Variants in MAN1C1 observed in about 807,000 individuals in gnomAD.
The protein encoded by MAN1C1 is mannosidase alpha class 1C member 1.
Under a neutral mutation model 71.5 loss-of-function variants are expected in MAN1C1, and 49 were observed. That is an observed-to-expected ratio of 0.69 (90% CI 0.54 to 0.87). MAN1C1 has a LOEUF of 0.87. MAN1C1 is among the 40% of genes least tolerant of loss of function. The pLI is 0.00. For missense variants in MAN1C1, 743 were observed against 835.0 expected, an observed-to-expected ratio of 0.89 and a Z score of 1.36; for synonymous variants, 352 against 343.7, an observed-to-expected ratio of 1.02 and a Z score of -0.27.
chr1:25,677,840 G>GACCTCCTT (rs1241022244), intron 1 of MAN1C1, among the ~76,000 whole-genome samples: 2 of 130,542 alleles, frequency 1.5e-5, no homozygotes, highest in Non-Finnish European at 3.2e-5. Context: ...CTGCTGTAAA[G>GACCTCCTT]ACCTCCTTTT....
At chr1:25,738,290 G>C (rs1329564847) in intron 2 of MAN1C1, among the ~76,000 whole-genome samples, 7 of 152,138 alleles carry the variant, frequency 4.6e-5, no homozygotes, top group Non-Finnish European at 8.8e-5. Context: ...CGACACACGA[G>C]AAACAGACCA....
chr1:25,745,020 G>A (rs944117718), intron 2 of MAN1C1, among the ~76,000 whole-genome samples: 3 of 152,154 alleles, frequency 2.0e-5, no homozygotes, highest in African/African-American at 7.2e-5. Flanking sequence ...GATGGGAGGC[G>A]CCACCTCTTT....
chr1:25,718,009 C>T (rs2046705958), intron 2 of MAN1C1, among the ~76,000 whole-genome samples: 1 of 151,978 alleles, frequency 6.6e-6, no homozygotes, highest in African/African-American at 2.4e-5. Flanking sequence ...TACACACACA[C>T]ACACACACAC....
chr1:25,618,331 CA>C lies in MAN1C1; in HGVS notation c.536del (p.Lys179ArgfsTer3). 1 of 1,599,860 alleles carries C rather than the reference CA, an allele frequency of 6.3e-7. No homozygotes were observed. Among genetic ancestry groups the C allele is most frequent in the Non-Finnish European group, 8.5e-7 (1 of 1,175,332 alleles). On this transcript the variant is annotated frameshift_variant, in exon 1 of 12. Transcript: ENST00000374332. LOFTEE classifies it high-confidence loss of function. ...SQVRAQREKIKEMMQFAWQSY... is the reference protein window; with the variant it reads ...SQVRAQREKIXEMMQFAWQSY... ...AAGTGCGAGCCCAGCGGGAGAAAAT[CA>C]AGGAGGTATGGACTCAGCCCCCAAA...
chr1:25,727,448 C>T (rs945681289), intron 2 of MAN1C1, among the ~76,000 whole-genome samples: 1 of 152,218 alleles, frequency 6.6e-6, no homozygotes. Flanking sequence ...TTGGTGTCTG[C>T]ACCCACCCTG....
intron 1 of MAN1C1, among the ~76,000 whole-genome samples, chr1:25,655,810 A>C (rs1339691733): frequency 6.6e-6 from 1 of 152,200 alleles, no homozygotes; most frequent in Non-Finnish European, 1.5e-5. Flanking sequence ...GAGAGTGAAT[A>C]GGAGAAATTC....
At chr1:25,659,486 G>C (rs1208421508) in intron 1 of MAN1C1, among the ~76,000 whole-genome samples, 2 of 152,220 alleles carry the variant, frequency 1.3e-5, no homozygotes, top group Non-Finnish European at 2.9e-5. Flanking sequence ...GCCAGAACAT[G>C]ACTTTTAGAA....
intron 6 of MAN1C1, chr1:25,760,969 G>A (rs1380577768): frequency 6.6e-6 from 1 of 152,224 alleles, no homozygotes; most frequent in African/African-American, 2.4e-5. Context: ...GCCCTGATCT[G>A]TGTTGGCCCA....
intron 1 of MAN1C1, chr1:25,644,644 G>A (rs2124762934): frequency 6.8e-6 from 1 of 147,598 alleles, no homozygotes; most frequent in East Asian, 2.1e-4. Context: ...TCCAGCCTCA[G>A]CCTCTCTGGT....
chr1:25,690,909 G>A (rs2046299550), intron 2 of MAN1C1, among the ~76,000 whole-genome samples: 1 of 152,170 alleles, frequency 6.6e-6, no homozygotes, highest in South Asian at 2.1e-4. Flanking sequence ...GGCAGGGGAG[G>A]AACCAGCCGT....
At chr1:25,619,341 G>C (rs147741030) in intron 1 of MAN1C1, among the ~76,000 whole-genome samples, 1 of 152,248 alleles carries the variant, frequency 6.6e-6, no homozygotes, top group East Asian at 1.9e-4. Context: ...GGAAAGAAAG[G>C]GCTGCTTCTG....
chr1:25,659,842 A>G (rs887117673), intron 1 of MAN1C1, among the ~76,000 whole-genome samples: 1 of 152,244 alleles, frequency 6.6e-6, no homozygotes, highest in East Asian at 1.9e-4. Flanking sequence ...AGGGTAGCCA[A>G]TACTCAAAAC....
intron 2 of MAN1C1, among the ~76,000 whole-genome samples, chr1:25,743,452 A>G (rs933693245): frequency 6.6e-6 from 1 of 152,182 alleles, no homozygotes; most frequent in African/African-American, 2.4e-5. Flanking sequence ...GGTTGAATTC[A>G]GGATAGGGCC....
intron 1 of MAN1C1, among the ~76,000 whole-genome samples, chr1:25,685,255 A>G (rs958029030): frequency 5.3e-5 from 8 of 152,230 alleles, no homozygotes; most frequent in African/African-American, 1.2e-4. Context: ...TTTCACGCCA[A>G]AGTCACAGAG....
At chr1:25,688,778 A>G (rs531485052) in intron 2 of MAN1C1, among the ~76,000 whole-genome samples, 1 of 152,364 alleles carries the variant, frequency 6.6e-6, no homozygotes, top group East Asian at 1.9e-4. Flanking sequence ...CTATAAGGAT[A>G]TAAATGAGTA....
At chr1:25,768,069 A>T (rs757169909) in intron 7 of MAN1C1, among the ~76,000 whole-genome samples, 318 of 17,552 alleles carry the variant, frequency 0.018, 24 homozygotes, top group Non-Finnish European at 0.029. Context: ...TCACACACAC[A>T]CACACTCCCC....
chr1:25,651,953 C>T (rs1282250804), intron 1 of MAN1C1, among the ~76,000 whole-genome samples: 6 of 152,204 alleles, frequency 3.9e-5, no homozygotes, highest in Admixed American at 2.6e-4. Context: ...ACCCTGCTGC[C>T]TGCCTGCCTG....
intron 1 of MAN1C1, among the ~76,000 whole-genome samples, chr1:25,650,496 GTTATT>G (rs902475745): frequency 2.6e-5 from 4 of 152,298 alleles, no homozygotes; most frequent in African/African-American, 9.6e-5. Flanking sequence ...TTGTTCTGAG[GTTATT>G]TGGGGTCCTG....
At chr1:25,755,454 C>T (rs1196580048) in intron 5 of MAN1C1, among the ~76,000 whole-genome samples, 1 of 152,230 alleles carries the variant, frequency 6.6e-6, no homozygotes, top group Non-Finnish European at 1.5e-5. Flanking sequence ...CATACATGGG[C>T]ACACACATTC....
Sources: allele counts gnomAD v4.1 joint callset (sites outside exome capture counted in the v4.1 genomes callset), GRCh38; gene constraint gnomAD v4.1.1; transcripts MANE v1.5; gene names NCBI Gene and HGNC (gene_info 2026-07-23, HGNC 2026-07-21).